The following NUCKS1 variants were observed in gnomAD, a reference collection of about 807,000 sequenced individuals.
The protein encoded by NUCKS1 is nuclear ubiquitous casein and cyclin-dependent kinase substrate 1.
NUCKS1 carries 2 observed loss-of-function variants against 33.0 expected under a neutral mutation model. That is an observed-to-expected ratio of 0.06 (90% CI 0.02 to 0.19). NUCKS1 has a LOEUF of 0.19. Ranked by LOEUF, NUCKS1 falls within the 10% of genes least tolerant of loss-of-function variation. The probability of loss-of-function intolerance (pLI) is 1.00; values close to 1 mark genes in which losing one functional copy is unlikely to be tolerated. For missense variants in NUCKS1, 201 were observed against 293.6 expected (o/e 0.68, Z 2.31); for synonymous variants, 106 against 102.8 (o/e 1.03, Z -0.19).
intron 1 of NUCKS1, among the ~76,000 whole-genome samples, chr1:205,747,934 T>C (rs1421091141): frequency 2.0e-5 from 3 of 152,068 alleles, no homozygotes; most frequent in Non-Finnish European, 4.4e-5. Context: ...TTACAAAGAA[T>C]TTATGACTAA....
intron 1 of NUCKS1, among the ~76,000 whole-genome samples, chr1:205,746,585 T>A (rs1202583511): frequency 6.6e-6 from 1 of 152,154 alleles, no homozygotes; most frequent in Non-Finnish European, 1.5e-5. Flanking sequence ...ACCTTGAATT[T>A]TCAAGTTTCT....
At chr1:205,732,779 C>CAAAAAAAAAAAAAAAAAAAAAAAA (rs59760552) in intron 1 of NUCKS1, among the ~76,000 whole-genome samples, 24 of 73,982 alleles carry the variant, frequency 3.2e-4, no homozygotes, top group African/African-American at 4.4e-4. Flanking sequence ...GACTCTGTCT[C>CAAAAAAAAAAAAAAAAAAAAAAAA]AAAAAAAAAA....
intron 4 of NUCKS1, among the ~76,000 whole-genome samples, chr1:205,722,831 C>T (rs1671945605): frequency 6.6e-6 from 1 of 152,240 alleles, no homozygotes; most frequent in African/African-American, 2.4e-5. Context: ...CACTTCTAGT[C>T]CCATGAGCCT....
At chr1:205,736,033 C>A (rs992777268) in intron 1 of NUCKS1, among the ~76,000 whole-genome samples, 16 of 152,062 alleles carry the variant, frequency 1.1e-4, no homozygotes, top group Non-Finnish European at 1.8e-4. Flanking sequence ...CTCACTATAG[C>A]CTCAAACTCC....
rs771961190 is a variant in NUCKS1 at position 205,718,288 on chromosome 1, C to T, written c.724G>A (p.Glu242Lys). The T allele has an allele frequency of 6.2e-7, 1 of 1,610,640 alleles. No individual in the cohort carries two copies. Among genetic ancestry groups the T allele is most frequent in the East Asian group, 2.2e-5 (1 of 44,796 alleles). ...CCAGACCATCATCACTTTTAATCCT[C>T]CCCAGAAGGGGCTTCATCTTCAGAC... ...EGSEDEAPSG[E>K]D Residue 242 changes from glutamate (E) to lysine (K), a missense_variant, in exon 7 of 7, where the codon GAG becomes AAG. Physicochemically the swap from Glu to Lys is moderately conservative, Grantham distance 56. Transcript: ENST00000367142.
Position 205,723,907 on chromosome 1 carries a change from A to G in NUCKS1, c.229+19T>C, listed in dbSNP as rs1671962236. ...ATACAAATATAATTATACCTCTTACATTTAAAATAGTTTACTACCTGCTGA... is the reference window on the plus strand; with the variant it reads ...ATACAAATATAATTATACCTCTTACGTTTAAAATAGTTTACTACCTGCTGA... On this transcript the variant is annotated intron_variant, in intron 4 of 6. Transcript: ENST00000367142. The G allele has an allele frequency of 6.5e-7, 1 of 1,540,094 alleles. No individual in the cohort carries two copies. The highest frequency in any genetic ancestry group is 1.7e-5 in the Admixed American group (1 of 59,858).
chr1:205,741,574 T>C (rs959201857), intron 1 of NUCKS1, among the ~76,000 whole-genome samples: 1 of 152,162 alleles, frequency 6.6e-6, no homozygotes, highest in African/African-American at 2.4e-5. Flanking sequence ...GGGACAAACC[T>C]GTAGCCTGAC....
chr1:205,733,133 T>C (rs1000789813), intron 1 of NUCKS1, among the ~76,000 whole-genome samples: 7 of 152,186 alleles, frequency 4.6e-5, no homozygotes, highest in Admixed American at 2.0e-4. Flanking sequence ...GCTTATCCCA[T>C]GCTTGTGGGG....
intron 3 of NUCKS1, 42 bp downstream of exon 3, chr1:205,727,658 T>C (rs763866541): frequency 2.3e-6 from 3 of 1,287,596 alleles, no homozygotes; most frequent in Non-Finnish European, 2.3e-6. Flanking sequence ...CATCTCAGAG[T>C]GGTAACAGTG....
chr1:205,717,701 T>A lies in NUCKS1; in HGVS notation c.*579A>T, dbSNP rs917219017. ...TCAGAATTCATCTTTATCTCCTACC[T>A]GCCTCATCGGTGGAAGTTTAAAGTC... On this transcript the variant is annotated 3_prime_UTR_variant, in exon 7 of 7. Coordinates refer to ENST00000367142, the MANE Select transcript of NUCKS1 (RefSeq NM_022731.5). 2 of 985,270 alleles carry A rather than the reference T, an allele frequency of 2.0e-6. No homozygotes were observed. The highest frequency in any genetic ancestry group is 6.2e-5 in the Admixed American group (1 of 16,256). 61.0% of individuals were successfully genotyped at this position (985,270 alleles called of 1,614,324 possible).
chr1:205,730,749 C>A (rs954917683), intron 1 of NUCKS1, among the ~76,000 whole-genome samples: 5 of 152,150 alleles, frequency 3.3e-5, no homozygotes, highest in Non-Finnish European at 5.9e-5. Context: ...TCCCAAAGTG[C>A]TGGGATTACA....
In NUCKS1 at chr1:205,730,730, G is replaced by A. The variant is rs574542011; in HGVS notation, c.18-1109C>T. Reference sequence around the variant, plus strand: ...TCTCCCCTGATCTCGTGATCCGCCCGTCTTGGCCTCCCAAAGTGCTGGGAT... The same window carrying A: ...TCTCCCCTGATCTCGTGATCCGCCCATCTTGGCCTCCCAAAGTGCTGGGAT... On this transcript the variant is annotated intron_variant, in intron 1 of 6. Transcript: ENST00000367142. Among the ~76,000 whole-genome samples, 15 of 152,052 alleles carry A rather than the reference G, an allele frequency of 9.9e-5. No homozygotes were observed. In the East Asian group the frequency reaches 2.3e-3, roughly 24 times the overall value.
In NUCKS1 at chr1:205,719,687, A is replaced by G. The variant is rs200473688; in HGVS notation, c.383-11T>C. 6.2e-7 allele frequency: 1 copy of G among 1,603,504 alleles called. No homozygotes were observed. Among genetic ancestry groups the G allele is most frequent in the African/African-American group, 1.3e-5 (1 of 74,132 alleles). On this transcript the variant is annotated splice_polypyrimidine_tract_variant and intron_variant, in intron 5 of 6. Coordinates refer to ENST00000367142, the MANE Select transcript of NUCKS1 (RefSeq NM_022731.5). Reference sequence around the variant, plus strand: ...CGCTGCCGGAATCTTCTGAGAAGAAAGAAGAATTTCAACATCTAACTTAAT... The same window carrying G: ...CGCTGCCGGAATCTTCTGAGAAGAAGGAAGAATTTCAACATCTAACTTAAT...
rs996138445 is a variant in NUCKS1, at chr1:205,749,988, C to G, written c.-15G>C. The G allele has an allele frequency of 2.5e-6, 4 of 1,600,514 alleles. No individual in the cohort carries two copies. In the African/African-American group the frequency reaches 5.4e-5, roughly 22 times the overall value. The stretch of plus-strand genomic sequence containing the variant: ...GGCCGCGACATGTTCGCTGTCGAAA[C>G]AGGACCGAGTCGAGAAGCCAAAGAC... On this transcript the variant is annotated 5_prime_UTR_variant, in exon 1 of 7. Coordinates refer to ENST00000367142, the MANE Select transcript of NUCKS1 (RefSeq NM_022731.5).
chr1:205,750,018 A>AACC lies in NUCKS1; in HGVS notation c.-46_-45insGGT. ...CCGAGTCGAGAAGCCAAAGACCAGG[A>AACC]CCCCCCCCACCCCGCGCGCTCGGCG... On this transcript the variant is annotated 5_prime_UTR_variant, in exon 1 of 7. Transcript: ENST00000367142. 2 of 964,080 alleles carry AACC rather than the reference A, an allele frequency of 2.1e-6. No individual in the cohort carries two copies. Among genetic ancestry groups the AACC allele is most frequent in the South Asian group, 1.4e-5 (1 of 72,904 alleles). 59.7% of individuals were successfully genotyped at this position (964,080 alleles called of 1,614,324 possible).
At chr1:205,722,381 C>T (rs748514805) in intron 4 of NUCKS1, among the ~76,000 whole-genome samples, 4 of 152,192 alleles carry the variant, frequency 2.6e-5, no homozygotes, top group Admixed American at 2.6e-4. Context: ...CTCGGCCTCC[C>T]GAGTAGCTGG....
At chr1:205,749,524 G>A (rs928951966) in intron 1 of NUCKS1, among the ~76,000 whole-genome samples, 2 of 151,912 alleles carry the variant, frequency 1.3e-5, no homozygotes, top group Admixed American at 6.5e-5. Context: ...GGGGCAATAC[G>A]GGTGCCTCCG....
chr1:205,733,824 T>C (rs1653971740), intron 1 of NUCKS1, among the ~76,000 whole-genome samples: 1 of 152,114 alleles, frequency 6.6e-6, no homozygotes, highest in African/African-American at 2.4e-5. Flanking sequence ...TATATCTATC[T>C]GTATCTATCT....
chr1:205,713,426 G>A lies in NUCKS1; in HGVS notation c.*4854C>T, dbSNP rs1402423325. The A allele has an allele frequency of 6.6e-5, 10 of 152,044 alleles. No individual in the cohort carries two copies. Among genetic ancestry groups the A allele is most frequent in the Admixed American group, 6.5e-5 (1 of 15,272 alleles). 9.4% of individuals were successfully genotyped at this position (152,044 alleles called of 1,614,324 possible). On this transcript the variant is annotated 3_prime_UTR_variant, in exon 7 of 7. Transcript: ENST00000367142. ...TAAAACAGAGCTCAGGAGCAGACAC[G>A]CAGTCCTGGAAACCCTTCAATAAAA...
Sources: allele counts gnomAD v4.1 joint callset (sites outside exome capture counted in the v4.1 genomes callset), GRCh38; gene constraint gnomAD v4.1.1; transcripts MANE v1.5; gene names NCBI Gene and HGNC (gene_info 2026-07-23, HGNC 2026-07-21).